The following IL1RAPL2 variants were observed in gnomAD, a reference collection of about 807,000 sequenced individuals.
IL1RAPL2 encodes interleukin 1 receptor accessory protein like 2.
Under a neutral mutation model 44.1 loss-of-function variants are expected in IL1RAPL2, and 3 were observed. The observed-to-expected ratio is 0.07, with a 90% CI of 0.03 to 0.18. The LOEUF is 0.18. Ranked by LOEUF, IL1RAPL2 falls within the 10% of genes least tolerant of loss-of-function variation. IL1RAPL2 has a pLI of 1.00. For synonymous variants in IL1RAPL2, 181 were observed against 178.8 expected (o/e 1.01, Z -0.10); for missense variants, 391 against 496.4 (o/e 0.79, Z 2.02).
intron 2 of IL1RAPL2, among the ~76,000 whole-genome samples, chrX:104,901,060 C>T (rs1181811514): frequency 9.0e-6 from 1 of 111,039 alleles, no homozygotes; most frequent in Non-Finnish European, 1.9e-5. Context: ...CAAGTGAGAA[C>T]CACTTACTTT....
At chrX:104,603,219 A>G (rs773441379) in intron 1 of IL1RAPL2, among the ~76,000 whole-genome samples, 67 of 111,768 alleles carry the variant, frequency 6.0e-4, no homozygotes, top group African/African-American at 2.1e-3. Flanking sequence ...AAACTCCAGC[A>G]GACCGGCAGC....
chrX:105,073,044 TC>T (rs767529865), intron 2 of IL1RAPL2, among the ~76,000 whole-genome samples: 1,447 of 106,478 alleles, frequency 0.014, 30 homozygotes, highest in African/African-American at 0.048. Flanking sequence ...TCTTTTTTTT[TC>T]TTTTTTTTAT....
intron 5 of IL1RAPL2, among the ~76,000 whole-genome samples, chrX:105,478,066 C>T (rs186784015): frequency 9.0e-6 from 1 of 110,831 alleles, no homozygotes; most frequent in African/African-American, 3.3e-5. Context: ...CACATGGAAA[C>T]TGATGTAAGT....
At chrX:105,700,365 C>T (rs1011852068) in intron 6 of IL1RAPL2, among the ~76,000 whole-genome samples, 8 of 112,066 alleles carry the variant, frequency 7.1e-5, no homozygotes, top group Admixed American at 5.7e-4. Flanking sequence ...TATGTTTAGA[C>T]AGAAGCTTAG....
intron 1 of IL1RAPL2, among the ~76,000 whole-genome samples, chrX:104,637,778 ATGTGTG>A (rs58410384): frequency 4.0e-5 from 4 of 99,044 alleles, no homozygotes; most frequent in Admixed American, 1.1e-4. Context: ...GTTTTTGTGT[ATGTGTG>A]TGTGTGTGTG....
At chrX:104,956,795 A>C (rs957678254) in intron 2 of IL1RAPL2, among the ~76,000 whole-genome samples, 1 of 111,349 alleles carries the variant, frequency 9.0e-6, no homozygotes, top group Middle Eastern at 4.2e-3. Flanking sequence ...CTTTTTTCTC[A>C]CTAAGAGCAG....
In IL1RAPL2 at chrX:104,925,880, T is replaced by C. The variant is rs376766303; in HGVS notation, c.82+266885T>C. Reference sequence around the variant, plus strand: ...AGGCAGCAGAAAGAAATAAAGAGCATGCAAATAGGAAGAAAGGAAGTCAAA... The same window carrying C: ...AGGCAGCAGAAAGAAATAAAGAGCACGCAAATAGGAAGAAAGGAAGTCAAA... On this transcript the variant is annotated intron_variant, in intron 2 of 10. Coordinates refer to ENST00000372582, the MANE Select transcript of IL1RAPL2 (RefSeq NM_017416.2). 1.4e-3 allele frequency among the ~76,000 whole-genome samples: 161 copies of C among 111,920 alleles called. 1 individual carries two copies. The highest frequency in any genetic ancestry group is 4.8e-3 in the African/African-American group (149 of 30,850).
chrX:104,845,945 T>C (rs1922039124), intron 2 of IL1RAPL2, among the ~76,000 whole-genome samples: 1 of 111,718 alleles, frequency 9.0e-6, no homozygotes, highest in African/African-American at 3.3e-5. Context: ...GTCAAAACTC[T>C]TTTAGCCATA....
At chrX:104,976,947 A>G (rs1382810545) in intron 2 of IL1RAPL2, among the ~76,000 whole-genome samples, 1 of 111,635 alleles carries the variant, frequency 9.0e-6, no homozygotes, top group Non-Finnish European at 1.9e-5. Flanking sequence ...TAGGACTGAA[A>G]ATAAAATGGC....
chrX:105,451,007 T>G (rs1373404684), intron 5 of IL1RAPL2, among the ~76,000 whole-genome samples: 1 of 108,980 alleles, frequency 9.2e-6, no homozygotes, highest in Admixed American at 9.9e-5. Flanking sequence ...CCCAGTGAGA[T>G]GGATTAATTA....
intron 5 of IL1RAPL2, among the ~76,000 whole-genome samples, chrX:105,423,828 A>T (rs1270012273): frequency 9.2e-6 from 1 of 108,499 alleles, no homozygotes; most frequent in East Asian, 2.9e-4. Flanking sequence ...TTCCATCATC[A>T]TGGAAACAGG....
intron 6 of IL1RAPL2, among the ~76,000 whole-genome samples, chrX:105,714,740 G>T (rs887264041): frequency 2.7e-5 from 3 of 111,640 alleles, no homozygotes; most frequent in Non-Finnish European, 5.6e-5. Flanking sequence ...TCTTCCAAAG[G>T]TCTTACTTCT....
chrX:105,766,959 T>C lies in IL1RAPL2; in HGVS notation c.1364-5T>C. ...TTACTCTTTCTCTCTTTCTGTGATT[T>C]GTAGCATACATGGAAGATCTCACAA... On this transcript the variant is annotated splice_polypyrimidine_tract_variant and splice_region_variant and intron_variant, in intron 10 of 10. Coordinates refer to ENST00000372582, the MANE Select transcript of IL1RAPL2 (RefSeq NM_017416.2). 2 of 1,176,364 alleles carry C rather than the reference T, an allele frequency of 1.7e-6. No homozygotes were observed. Among genetic ancestry groups the C allele is most frequent in the Non-Finnish European group, 2.3e-6 (2 of 867,295 alleles).
intron 5 of IL1RAPL2, among the ~76,000 whole-genome samples, chrX:105,410,132 A>ATTAAG (rs1326268329): frequency 9.0e-6 from 1 of 110,678 alleles, no homozygotes; most frequent in Non-Finnish European, 1.9e-5. Context: ...ATTTAGTCTT[A>ATTAAG]TTAAGTTTGA....
chrX:105,623,678 T>C (rs923836137), intron 6 of IL1RAPL2, among the ~76,000 whole-genome samples: 13 of 111,304 alleles, frequency 1.2e-4, no homozygotes, highest in Non-Finnish European at 2.3e-4. Context: ...TCCTCTTGTC[T>C]TTGATGGCCA....
intron 6 of IL1RAPL2, among the ~76,000 whole-genome samples, chrX:105,526,943 T>G (rs1475116857): frequency 9.0e-6 from 1 of 111,717 alleles, no homozygotes; most frequent in Non-Finnish European, 1.9e-5. Context: ...TTGAATGAAT[T>G]TCTGGATTTG....
At chrX:105,597,470 G>A (rs1433232872) in intron 6 of IL1RAPL2, among the ~76,000 whole-genome samples, 1 of 111,101 alleles carries the variant, frequency 9.0e-6, no homozygotes, top group Non-Finnish European at 1.9e-5. Flanking sequence ...GCTGCTTGGG[G>A]AAGCCTCAGG....
At chrX:104,581,629 G>C (rs1230029545) in intron 1 of IL1RAPL2, among the ~76,000 whole-genome samples, 2 of 111,245 alleles carry the variant, frequency 1.8e-5, no homozygotes, top group East Asian at 5.6e-4. Context: ...ATTATCTTTT[G>C]CATGAAGGAT....
intron 7 of IL1RAPL2, among the ~76,000 whole-genome samples, chrX:105,725,192 T>A (rs2038340441): frequency 8.9e-6 from 1 of 111,779 alleles, no homozygotes; most frequent in Non-Finnish European, 1.9e-5. Flanking sequence ...TTTTCAATTA[T>A]AAATCTCACT....
Sources: allele counts gnomAD v4.1 joint callset (sites outside exome capture counted in the v4.1 genomes callset), GRCh38; gene constraint gnomAD v4.1.1; transcripts MANE v1.5; gene names NCBI Gene and HGNC (gene_info 2026-07-23, HGNC 2026-07-21).